ANKS1B: variants seen among roughly 807,000 people sequenced by gnomAD.
ANKS1B encodes ankyrin repeat and sterile alpha motif domain containing 1B.
In ANKS1B, 36 loss-of-function variants were observed where a neutral mutation model predicts 148.3. The observed-to-expected ratio is 0.24, with a 90% confidence interval of 0.19 to 0.32. ANKS1B has a LOEUF of 0.32. Among genes scored for constraint, ANKS1B ranks in the 10% least tolerant of loss-of-function variants. The pLI is 1.00. For missense variants in ANKS1B, 1,157 were observed against 1,542.6 expected (o/e 0.75, Z 4.19); for synonymous variants, 542 against 560.8 (o/e 0.97, Z 0.47).
intron 16 of ANKS1B, among the ~76,000 whole-genome samples, chr12:99,060,956 T>C (rs553612403): frequency 1.1e-4 from 16 of 152,306 alleles, no homozygotes; most frequent in African/African-American, 3.8e-4. Context: ...AATTATGATA[T>C]TGGCATGGTA....
chr12:98,853,648 T>C (rs995427165), intron 17 of ANKS1B, among the ~76,000 whole-genome samples: 2 of 152,232 alleles, frequency 1.3e-5, no homozygotes, highest in Admixed American at 6.5e-5. Flanking sequence ...CCTAGTTAAA[T>C]AGATCCCCCC....
At chr12:99,099,181 C>A (rs944784070) in intron 15 of ANKS1B, among the ~76,000 whole-genome samples, 3 of 152,198 alleles carry the variant, frequency 2.0e-5, no homozygotes, top group African/African-American at 7.2e-5. Context: ...ACCCATGGCA[C>A]CTTGGGGCCG....
chr12:98,754,595 A>G (rs1402425840), intron 25 of ANKS1B, among the ~76,000 whole-genome samples: 2 of 152,242 alleles, frequency 1.3e-5, no homozygotes, highest in East Asian at 3.8e-4. Flanking sequence ...TGTGGTCTTT[A>G]TCTGCTGTAA....
intron 10 of ANKS1B, among the ~76,000 whole-genome samples, chr12:99,494,060 A>G (rs955154310): frequency 6.6e-6 from 1 of 152,208 alleles, no homozygotes; most frequent in African/African-American, 2.4e-5. Context: ...GAGAAGGAGC[A>G]CCATAATAAG....
intron 17 of ANKS1B, among the ~76,000 whole-genome samples, chr12:98,930,131 G>A (rs2099812446): frequency 6.6e-6 from 1 of 152,024 alleles, no homozygotes; most frequent in Admixed American, 6.6e-5. Context: ...CAAAAGATTT[G>A]AATAGACATT....
chr12:99,946,553 C>T lies in ANKS1B; in HGVS notation c.134+37551G>A, dbSNP rs745740727. On this transcript the variant is annotated intron_variant, in intron 1 of 26. Coordinates refer to ENST00000683438, the MANE Select transcript of ANKS1B (RefSeq NM_001352186.2). Reference sequence around the variant, plus strand: ...TCTAAACCTAATTATATCTCAAAGGCCCCATCCCCAAATACCATCACATTG... The same window carrying T: ...TCTAAACCTAATTATATCTCAAAGGTCCCATCCCCAAATACCATCACATTG... 1.2e-3 allele frequency among the ~76,000 whole-genome samples: 186 copies of T among 152,142 alleles called. 2 individuals carry two copies. The highest frequency in any genetic ancestry group is 6.9e-4 in the Non-Finnish European group (47 of 68,014).
At chr12:99,324,999 C>G (rs2086031879) in intron 12 of ANKS1B, among the ~76,000 whole-genome samples, 1 of 152,080 alleles carries the variant, frequency 6.6e-6, no homozygotes, top group African/African-American at 2.4e-5. Flanking sequence ...ACACCTCATT[C>G]CCTTTCTGAA....
At chr12:99,779,621 T>G (rs187568015) in intron 6 of ANKS1B, among the ~76,000 whole-genome samples, 222 of 152,268 alleles carry the variant, frequency 1.5e-3, no homozygotes, top group African/African-American at 5.1e-3. Flanking sequence ...ATATGAATTT[T>G]AAAAATATTT....
At chr12:99,776,953 G>A (rs1194266335) in intron 6 of ANKS1B, among the ~76,000 whole-genome samples, 2 of 152,100 alleles carry the variant, frequency 1.3e-5, no homozygotes, top group African/African-American at 4.8e-5. Flanking sequence ...AAAGTGCTGG[G>A]ATTACAAGCG....
chr12:99,290,511 C>T (rs2079815150), intron 12 of ANKS1B, among the ~76,000 whole-genome samples: 1 of 151,838 alleles, frequency 6.6e-6, no homozygotes, highest in Non-Finnish European at 1.5e-5. Flanking sequence ...GCCATTGATA[C>T]AAAAATCCTC....
At chr12:99,398,180 T>C (rs1338690131) in intron 12 of ANKS1B, among the ~76,000 whole-genome samples, 1 of 152,142 alleles carries the variant, frequency 6.6e-6, no homozygotes, top group Non-Finnish European at 1.5e-5. Flanking sequence ...CCGGCTTCCA[T>C]GAAAGTTTGG....
At chr12:99,424,723 C>A (rs2095207473) in intron 11 of ANKS1B, among the ~76,000 whole-genome samples, 1 of 151,772 alleles carries the variant, frequency 6.6e-6, no homozygotes, top group Non-Finnish European at 1.5e-5. Flanking sequence ...GTCTGTCTGT[C>A]TGTCTAGTTA....
chr12:99,301,218 G>A lies in ANKS1B; in HGVS notation c.1757-54354C>T, dbSNP rs182551099. ...TTAAGTGATGCCCATCCACACTGGT[G>A]AGGGCAGATTGTCTTTACTCAGTGT... On this transcript the variant is annotated intron_variant, in intron 12 of 26. Coordinates refer to ENST00000683438, the MANE Select transcript of ANKS1B (RefSeq NM_001352186.2). Among the ~76,000 whole-genome samples, 48 of 152,288 alleles carry A rather than the reference G, an allele frequency of 3.2e-4. No homozygotes were observed. The East Asian group carries it at 7.3e-3, about 23-fold the overall frequency.
At chr12:99,616,273 A>G (rs148968643) in intron 9 of ANKS1B, among the ~76,000 whole-genome samples, 6,293 of 152,278 alleles carry the variant, frequency 0.041, 317 homozygotes, top group East Asian at 0.24. Context: ...ATTTCTTCAC[A>G]GAATTAGAAA....
intron 1 of ANKS1B, among the ~76,000 whole-genome samples, chr12:99,925,611 T>C (rs2094461988): frequency 6.6e-6 from 1 of 152,160 alleles, no homozygotes; most frequent in Admixed American, 6.6e-5. Context: ...GCTTTATATA[T>C]TGGAGCTGGA....
chr12:99,167,401 C>A (rs2077295237), intron 14 of ANKS1B, among the ~76,000 whole-genome samples: 1 of 151,914 alleles, frequency 6.6e-6, no homozygotes, highest in South Asian at 2.1e-4. Flanking sequence ...GAAAATAAAT[C>A]AATTTTTAAA....
At chr12:99,451,816 T>C (rs944388616) in intron 10 of ANKS1B, among the ~76,000 whole-genome samples, 1 of 152,122 alleles carries the variant, frequency 6.6e-6, no homozygotes, top group African/African-American at 2.4e-5. Context: ...TGTATGTCTG[T>C]GTGTGAATAC....
At chr12:99,452,632 A>G (rs2095763858) in intron 10 of ANKS1B, among the ~76,000 whole-genome samples, 1 of 152,234 alleles carries the variant, frequency 6.6e-6, no homozygotes, top group Non-Finnish European at 1.5e-5. Flanking sequence ...AAAAAGCCCA[A>G]GTATCCTGTT....
intron 15 of ANKS1B, among the ~76,000 whole-genome samples, chr12:99,146,666 C>G (rs2073230158): frequency 6.6e-6 from 1 of 152,120 alleles, no homozygotes; most frequent in South Asian, 2.1e-4. Context: ...TTAAACTAAA[C>G]AGGCCTTCAG....
Sources: allele counts gnomAD v4.1 joint callset (sites outside exome capture counted in the v4.1 genomes callset), GRCh38; gene constraint gnomAD v4.1.1; transcripts MANE v1.5; gene names NCBI Gene and HGNC (gene_info 2026-07-23, HGNC 2026-07-21).